TMEM132B: variants seen among roughly 807,000 people sequenced by gnomAD.
TMEM132B encodes the protein transmembrane protein 132B.
A neutral mutation model predicts 90.8 loss-of-function variants in TMEM132B; 18 were observed. That is an observed-to-expected ratio of 0.20 (90% CI 0.14 to 0.29). TMEM132B has a LOEUF of 0.29. TMEM132B is among the 10% of genes least tolerant of loss of function. The pLI, the probability that TMEM132B is intolerant of heterozygous loss-of-function variation, is 1.00. For synonymous variants in TMEM132B, 504 were observed against 523.3 expected (o/e 0.96, Z 0.50); for missense variants, 1,096 against 1,326.8 (o/e 0.83, Z 2.70).
At chr12:125,289,308 T>G (rs1020602314) in intron 1 of TMEM132B, among the ~76,000 whole-genome samples, 1 of 152,248 alleles carries the variant, frequency 6.6e-6, no homozygotes, top group African/African-American at 2.4e-5. Flanking sequence ...GATAGAATTG[T>G]TATTTCAAAA....
chr12:125,574,135 G>T (rs1206116743), intron 4 of TMEM132B, among the ~76,000 whole-genome samples: 1 of 151,192 alleles, frequency 6.6e-6, no homozygotes, highest in Admixed American at 6.6e-5. Context: ...TCTCAGTAAA[G>T]ATACCCATAG....
chr12:125,230,222 T>A (rs1358209663), intron 1 of TMEM132B, among the ~76,000 whole-genome samples: 3 of 152,206 alleles, frequency 2.0e-5, no homozygotes, highest in Admixed American at 1.3e-4. Context: ...GTAGAAACTT[T>A]TGTTAAAAAA....
chr12:125,505,686 G>A (rs534786711), intron 3 of TMEM132B, among the ~76,000 whole-genome samples: 3 of 148,398 alleles, frequency 2.0e-5, no homozygotes, highest in South Asian at 4.3e-4. Context: ...CGACAAGAGC[G>A]AAACCCCGTC....
intron 1 of TMEM132B, among the ~76,000 whole-genome samples, chr12:125,329,093 T>G (rs926269395): frequency 3.3e-5 from 5 of 152,102 alleles, no homozygotes; most frequent in African/African-American, 1.2e-4. Flanking sequence ...GAGGGGTAAT[T>G]AGATTTAGGT....
chr12:125,317,026 T>A (rs2136185665), intron 1 of TMEM132B, among the ~76,000 whole-genome samples: 3 of 152,276 alleles, frequency 2.0e-5, no homozygotes, highest in Middle Eastern at 6.8e-3. Context: ...GTGAGAGGGC[T>A]GGAAGCAGAA....
intron 1 of TMEM132B, among the ~76,000 whole-genome samples, chr12:125,192,903 A>G (rs1326353599): frequency 1.3e-5 from 2 of 152,200 alleles, no homozygotes; most frequent in East Asian, 1.9e-4. Flanking sequence ...CAGTTTTCCC[A>G]TCTGTAAAAT....
chr12:125,310,222 C>A (rs967493261), intron 1 of TMEM132B, among the ~76,000 whole-genome samples: 3 of 152,158 alleles, frequency 2.0e-5, no homozygotes, highest in Non-Finnish European at 4.4e-5. Context: ...ACTGGTGTGA[C>A]CCTCTGGAAG....
chr12:125,347,869 A>C (rs914977215), intron 1 of TMEM132B, among the ~76,000 whole-genome samples: 1 of 152,234 alleles, frequency 6.6e-6, no homozygotes, highest in Non-Finnish European at 1.5e-5. Flanking sequence ...ACACACATAC[A>C]TGTATGTACT....
At chr12:125,432,493 G>GTGTA (rs1880555412) in intron 3 of TMEM132B, among the ~76,000 whole-genome samples, 1 of 53,112 alleles carries the variant, frequency 1.9e-5, no homozygotes, top group African/African-American at 1.8e-4. Context: ...ATATGTATGT[G>GTGTA]TATATATATG....
Position 125,340,802 on chromosome 12 carries a change from C to T in TMEM132B, c.68-8650C>T, listed in dbSNP as rs533567343. On this transcript the variant is annotated intron_variant, in intron 1 of 8. Transcript: ENST00000682704. Reference sequence around the variant, plus strand: ...AGCTGTCAGCAGTCTTGGCACACACCGCTGGGCCCTCTGGAAAACTGCTTT... The same window carrying T: ...AGCTGTCAGCAGTCTTGGCACACACTGCTGGGCCCTCTGGAAAACTGCTTT... Among the ~76,000 whole-genome samples, 4 of 152,314 alleles carry T rather than the reference C, an allele frequency of 2.6e-5. No individual in the cohort carries two copies. The South Asian group carries it at 8.3e-4, about 32-fold the overall frequency.
chr12:125,240,988 G>T (rs761761992), intron 1 of TMEM132B, among the ~76,000 whole-genome samples: 2 of 152,206 alleles, frequency 1.3e-5, no homozygotes, highest in Non-Finnish European at 2.9e-5. Flanking sequence ...TGAGTGAACG[G>T]TGGTGGGCGG....
chr12:125,191,812 G>A (rs1253530849), intron 1 of TMEM132B, among the ~76,000 whole-genome samples: 1 of 143,020 alleles, frequency 7.0e-6, no homozygotes, highest in Non-Finnish European at 1.6e-5. Flanking sequence ...CTCATGCACT[G>A]GAATACTGGT....
intron 4 of TMEM132B, among the ~76,000 whole-genome samples, chr12:125,541,378 TTC>T (rs1349060925): frequency 6.6e-6 from 1 of 152,172 alleles, no homozygotes; most frequent in Admixed American, 6.5e-5. Flanking sequence ...ACACTGTCTC[TTC>T]TGATACAGCC....
chr12:125,576,052 A>G (rs549372498), intron 4 of TMEM132B, among the ~76,000 whole-genome samples: 2 of 152,226 alleles, frequency 1.3e-5, no homozygotes, highest in South Asian at 4.1e-4. Flanking sequence ...CATTGAATCT[A>G]TATATTTATT....
At position 125,602,808 on chromosome 12, in the gene TMEM132B, C is replaced by T. The variant is rs186592526; in HGVS notation, c.1437+18814C>T. The stretch of plus-strand genomic sequence containing the variant: ...TCAATATGCAAAAATCACAGGCATC[C>T]CTATATACCAACAATAGACAGAGAG... On this transcript the variant is annotated intron_variant, in intron 5 of 8. Transcript: ENST00000682704. Among the ~76,000 whole-genome samples the T allele has an allele frequency of 2.1e-3, 316 of 152,176 alleles. 1 individual carries two copies. The highest frequency in any genetic ancestry group is 7.2e-3 in the African/African-American group (297 of 41,518).
chr12:125,281,756 C>T (rs1033880828), intron 1 of TMEM132B, among the ~76,000 whole-genome samples: 8 of 152,006 alleles, frequency 5.3e-5, no homozygotes, highest in Admixed American at 3.3e-4. Context: ...AGGTCGGGCG[C>T]GGTGGCTCAC....
At chr12:125,517,467 C>T (rs947276923) in intron 3 of TMEM132B, among the ~76,000 whole-genome samples, 6 of 150,506 alleles carry the variant, frequency 4.0e-5, no homozygotes, top group Non-Finnish European at 8.9e-5. Flanking sequence ...GCTGGGATTA[C>T]AGGCGTGAGC....
chr12:125,286,057 A>G (rs946609392), intron 1 of TMEM132B, among the ~76,000 whole-genome samples: 3 of 152,242 alleles, frequency 2.0e-5, no homozygotes, highest in African/African-American at 7.2e-5. Flanking sequence ...AATCATCCTC[A>G]TATGTTTATC....
At chr12:125,642,809 T>C (rs1886663466) in intron 5 of TMEM132B, among the ~76,000 whole-genome samples, 1 of 152,218 alleles carries the variant, frequency 6.6e-6, no homozygotes, top group Non-Finnish European at 1.5e-5. Context: ...TGACTGGGGA[T>C]GCAGGGTGAG....
Sources: gnomAD v4.1 joint callset for allele counts (sites outside exome capture counted in the v4.1 genomes callset) on GRCh38, gnomAD v4.1.1 for gene constraint, MANE v1.5 for transcripts, NCBI Gene and HGNC (gene_info 2026-07-23, HGNC 2026-07-21) for gene names.